UEVLD: variants seen among roughly 807,000 people sequenced by gnomAD.
The protein encoded by UEVLD is ubiquitin-conjugating enzyme E2 variant 3.
UEVLD carries 47 observed loss-of-function variants against 58.6 expected under a neutral mutation model. The ratio of observed to expected loss-of-function variants is 0.80; its 90% CI spans 0.63 to 1.02. The LOEUF (loss-of-function observed/expected upper bound fraction) is 1.02. Ranked by LOEUF, UEVLD falls within the 50% of genes least tolerant of loss-of-function variation. UEVLD has a pLI of 0.00. For synonymous variants in UEVLD, 197 were observed against 195.3 expected, an observed-to-expected ratio of 1.01 and a Z score of -0.07; for missense variants, 510 against 550.6, an observed-to-expected ratio of 0.93 and a Z score of 0.74.
intron 9 of UEVLD, among the ~76,000 whole-genome samples, chr11:18,543,712 T>C (rs1034688217): frequency 6.6e-6 from 1 of 152,222 alleles, no homozygotes; most frequent in African/African-American, 2.4e-5. Context: ...CTTAAATCAC[T>C]GACCAACCTG....
intron 2 of UEVLD, among the ~76,000 whole-genome samples, chr11:18,578,298 A>G (rs909547621): frequency 6.6e-6 from 1 of 152,216 alleles, no homozygotes; most frequent in Non-Finnish European, 1.5e-5. Context: ...GAAGATGGAG[A>G]AAGGAGACCA....
intron 9 of UEVLD, among the ~76,000 whole-genome samples, chr11:18,539,758 G>A (rs1850977717): frequency 6.6e-6 from 1 of 152,178 alleles, no homozygotes; most frequent in Non-Finnish European, 1.5e-5. Context: ...AGGCATGAGA[G>A]TGCATAAACC....
At chr11:18,565,956 T>C (rs1391326550) in intron 5 of UEVLD, among the ~76,000 whole-genome samples, 1 of 148,120 alleles carries the variant, frequency 6.8e-6, no homozygotes, top group Non-Finnish European at 1.5e-5. Flanking sequence ...TGGAGTGCAG[T>C]TGTTCAATCT....
At chr11:18,584,002 A>C (rs1853407062) in intron 1 of UEVLD, among the ~76,000 whole-genome samples, 1 of 152,128 alleles carries the variant, frequency 6.6e-6, no homozygotes, top group Non-Finnish European at 1.5e-5. Context: ...TGCCTCTCCG[A>C]GGTAACTCAG....
In UEVLD at chr11:18,530,737, T is replaced by A. The variant is rs1850531417; in HGVS notation, c.*1583A>T. Reference sequence around the variant, plus strand: ...GGCTAATTTTTAAACTTTTTTTTTTTTTTTTTGAGACGGAGTCTTGCTCTG... The same window carrying A: ...GGCTAATTTTTAAACTTTTTTTTTTATTTTTTGAGACGGAGTCTTGCTCTG... On this transcript the variant is annotated 3_prime_UTR_variant, in exon 12 of 12. Transcript: ENST00000396197. The A allele has an allele frequency of 6.6e-6, 1 of 151,614 alleles. No homozygotes were observed. The highest frequency in any genetic ancestry group is 1.9e-4 in the East Asian group (1 of 5,172). The allele number at this position is 151,614 out of a possible 1,614,324, so 9.4% of individuals were successfully genotyped here.
rs1467018209 is a variant in UEVLD, at chr11:18,531,033, TTTTTTATA to T, written c.*1279_*1286del. ...AGTCACTGCGCCTAGCCCATGTTTG[TTTTTTATA>T]AAAGCATGCCCTTACATGAGAATGA... is the stretch of plus-strand genomic sequence containing the variant. On this transcript the variant is annotated 3_prime_UTR_variant, in exon 12 of 12. Transcript: ENST00000396197. 6.6e-6 allele frequency: 1 copy of T among 152,234 alleles called. No homozygotes were observed. Among genetic ancestry groups the T allele is most frequent in the Admixed American group, 6.5e-5 (1 of 15,272 alleles). 9.4% of individuals were successfully genotyped at this position (152,234 alleles called of 1,614,324 possible).
chr11:18,541,555 C>T (rs1851056102), intron 9 of UEVLD, among the ~76,000 whole-genome samples: 2 of 152,212 alleles, frequency 1.3e-5, no homozygotes, highest in South Asian at 4.1e-4. Context: ...ATAATTTGCA[C>T]TTTAAATAAG....
intron 1 of UEVLD, among the ~76,000 whole-genome samples, chr11:18,586,362 G>A (rs554014839): frequency 4.6e-5 from 7 of 151,960 alleles, no homozygotes; most frequent in Admixed American, 1.3e-4. Context: ...TTACAGGAGC[G>A]GGCCACCACG....
chr11:18,570,010 G>A, intron 4 of UEVLD: 1 of 425,186 alleles, frequency 2.4e-6, no homozygotes, highest in East Asian at 4.6e-5. Flanking sequence ...AACCTGGAGG[G>A]AGCAGCTTTG....
At chr11:18,541,555 C>A (rs1851056102) in intron 9 of UEVLD, among the ~76,000 whole-genome samples, 1 of 152,094 alleles carries the variant, frequency 6.6e-6, no homozygotes, top group Non-Finnish European at 1.5e-5. Flanking sequence ...ATAATTTGCA[C>A]TTTAAATAAG....
At chr11:18,570,752 A>AT (rs1852560330) in intron 3 of UEVLD, 1 of 147,710 alleles carries the variant, frequency 6.8e-6, no homozygotes, top group African/African-American at 2.8e-5. Context: ...TTTCAAAAAA[A>AT]AAAAAAAAAA....
chr11:18,533,279 C>CT (rs1030340141), intron 11 of UEVLD, among the ~76,000 whole-genome samples: 1 of 151,650 alleles, frequency 6.6e-6, no homozygotes, highest in Non-Finnish European at 1.5e-5. Context: ...TTATTCCTAT[C>CT]TATTTTTGTA....
At chr11:18,538,656 AG>A (rs1850917280) in intron 9 of UEVLD, among the ~76,000 whole-genome samples, 1 of 151,892 alleles carries the variant, frequency 6.6e-6, no homozygotes, top group African/African-American at 2.4e-5. Context: ...TACACAATCG[AG>A]GAAAATACAA....
chr11:18,564,769 T>C, intron 6 of UEVLD, 123 bp downstream of exon 6: 2 of 626,632 alleles, frequency 3.2e-6, no homozygotes, highest in Admixed American at 3.1e-5. Context: ...TTACTAAATA[T>C]ATTTTAAGCC....
At position 18,558,231 on chromosome 11, in the gene UEVLD, T is replaced by G. The variant is rs1161242191; in HGVS notation, c.712A>C (p.Lys238Gln). 1.9e-6 allele frequency: 3 copies of G among 1,610,880 alleles called. No individual in the cohort carries two copies. The African/African-American group carries it at 4.0e-5, about 22-fold the overall frequency. The change falls in exon 7 of 12, where the codon AAA becomes CAA. Residue 238 changes from lysine (K) to glutamine (Q), a missense_variant. Transcript: ENST00000396197. The stretch of plus-strand genomic sequence containing the variant: ...TCTTTAAGCAGAATAAACAGACCTT[T>G]GCTGATCTCCACATTAGGAAGGTTG... ...IFNLPNVEISKDLSASAHSKV... is the reference protein window; with the variant it reads ...IFNLPNVEISQDLSASAHSKV...
intron 1 of UEVLD, among the ~76,000 whole-genome samples, chr11:18,585,893 C>T (rs1853530590): frequency 6.6e-6 from 1 of 152,184 alleles, no homozygotes; most frequent in African/African-American, 2.4e-5. Flanking sequence ...CCTCGGCCTC[C>T]CGAAGTGCTG....
chr11:18,585,035 T>C (rs548037611), intron 1 of UEVLD, among the ~76,000 whole-genome samples: 3 of 152,218 alleles, frequency 2.0e-5, no homozygotes, highest in Non-Finnish European at 2.9e-5. Context: ...AGTTTGTATC[T>C]TGCCTCTTCA....
chr11:18,581,487 C>G (rs540034170), intron 1 of UEVLD, among the ~76,000 whole-genome samples: 1 of 152,006 alleles, frequency 6.6e-6, no homozygotes, highest in African/African-American at 2.4e-5. Context: ...AGTTCGAGAA[C>G]AGACAGGCCA....
chr11:18,574,387 C>G (rs1426018580), intron 3 of UEVLD, among the ~76,000 whole-genome samples: 1 of 152,232 alleles, frequency 6.6e-6, no homozygotes, highest in Non-Finnish European at 1.5e-5. Context: ...ATCTGCCCAC[C>G]TAGGCCTCCC....
Sources: allele counts gnomAD v4.1 joint callset (sites outside exome capture counted in the v4.1 genomes callset), GRCh38; gene constraint gnomAD v4.1.1; transcripts MANE v1.5; gene names NCBI Gene and HGNC (gene_info 2026-07-23, HGNC 2026-07-21).